The following BRAT1 variants were observed in gnomAD, a reference collection of about 807,000 sequenced individuals.
BRAT1 encodes integrator complex assembly factor BRAT1.
Under a neutral mutation model 70.6 loss-of-function variants are expected in BRAT1, and 74 were observed. The observed-to-expected ratio is 1.05, with a 90% CI of 0.87 to 1.27. The LOEUF is 1.27. Among genes scored for constraint, BRAT1 ranks in the 50% most tolerant of loss-of-function variants. BRAT1 has a pLI of 0.00. For synonymous variants in BRAT1, 615 were observed against 517.1 expected (o/e 1.19, Z -2.57); for missense variants, 1,203 against 1,098.2 (o/e 1.10, Z -1.35).
In BRAT1 at chr7:2,538,337, T is replaced by C. The variant is rs1562564408; in HGVS notation, c.2198A>G (p.Tyr733Cys). 1 of 1,613,122 alleles carries C rather than the reference T, an allele frequency of 6.2e-7. No individual in the cohort carries two copies. The highest frequency in any genetic ancestry group is 2.2e-5 in the East Asian group (1 of 44,870). Residue 733 changes from tyrosine to cysteine, a missense_variant, in exon 14 of 14, where the codon TAC (tyrosine) becomes TGC (cysteine). Physicochemically the swap from Tyr to Cys is radical, Grantham distance 194. Coordinates refer to ENST00000340611, the MANE Select transcript of BRAT1 (RefSeq NM_152743.4). The stretch of plus-strand genomic sequence containing the variant: ...GCCCCTGGCCTCCCGCAGGCTGCTG[T>C]AGGAAGCAATCTTGTCCCTCAGGAA... The part of the protein sequence containing the change: ...LLFLRDKIAS[Y>C]SSLREARGSP...
In BRAT1 at chr7:2,547,315, C is replaced by T. The variant is rs192133446; in HGVS notation, c.282+9G>A. ...CACGGGACACTCAGGTGGGAGGCCC[C>T]AGGCTCACCTGAAGATACTGGAAGC... On this transcript the variant is annotated intron_variant, in intron 3 of 13. Transcript: ENST00000340611. The T allele has an allele frequency of 1.6e-4, 265 of 1,613,902 alleles. 1 individual carries two copies. The African/African-American group carries it at 3.2e-3, about 20-fold the overall frequency.
At chr7:2,539,746 C>T (rs761869109) in intron 11 of BRAT1, 40 bp downstream of exon 11, 23 of 1,573,106 alleles carry the variant, frequency 1.5e-5, no homozygotes, top group Middle Eastern at 1.7e-4. Flanking sequence ...TCCACCCCTG[C>T]GACTCCAGCT....
At chr7:2,549,291 G>A (rs1468132254) in intron 2 of BRAT1, among the ~76,000 whole-genome samples, 2 of 151,942 alleles carry the variant, frequency 1.3e-5, no homozygotes, top group African/African-American at 4.8e-5. Context: ...TTTAAGACCA[G>A]CTTGGGCAAC....
Position 2,539,766 on chromosome 7 carries a change from C to T in BRAT1, c.1498+20G>A, listed in dbSNP as rs1164385046. 6.2e-7 allele frequency: 1 copy of T among 1,601,678 alleles called. No homozygotes were observed. On this transcript the variant is annotated intron_variant, in intron 11 of 13. Coordinates refer to ENST00000340611, the MANE Select transcript of BRAT1 (RefSeq NM_152743.4). The stretch of plus-strand genomic sequence containing the variant: ...CCCTGCGACTCCAGCTCCGTTCACC[C>T]CTGCAAGGGGCTGCGTTACCTCTGA...
intron 10 of BRAT1, 58 bp downstream of exon 10, chr7:2,540,921 G>C: frequency 6.9e-7 from 1 of 1,443,680 alleles, no homozygotes; most frequent in East Asian, 2.7e-5. Flanking sequence ...GGAGTCAGGG[G>C]TGGGTCCCAC....
At chr7:2,542,311 GTT>G in intron 6 of BRAT1, 100 bp from the exon 7 acceptor site, 1 of 980,788 alleles carries the variant, frequency 1.0e-6, no homozygotes, top group Non-Finnish European at 1.6e-6. Flanking sequence ...CAGCCAGGGG[GTT>G]GGGACACCCC....
chr7:2,542,578 G>C, intron 6 of BRAT1: 1 of 273,912 alleles, frequency 3.7e-6, no homozygotes, highest in Non-Finnish European at 7.1e-6. Context: ...TCTGGGCCTA[G>C]GTGGAGGCAG....
intron 13 of BRAT1, chr7:2,538,969 T>A: frequency 6.9e-7 from 1 of 1,443,732 alleles, no homozygotes; most frequent in Non-Finnish European, 9.1e-7. Context: ...TAACCATGTC[T>A]AAGTGGAGGG....
At chr7:2,538,978 G>C in intron 13 of BRAT1, 1 of 1,439,508 alleles carries the variant, frequency 6.9e-7, no homozygotes, top group Non-Finnish European at 9.1e-7. Flanking sequence ...CTAAGTGGAG[G>C]GGTGCTGGGG....
rs533344105 is a variant in BRAT1, at chr7:2,543,766, C to G, written c.627G>C (p.Ala209=). 41 of 1,607,446 alleles carry G rather than the reference C, an allele frequency of 2.6e-5. 1 individual carries two copies. In the Admixed American group the frequency reaches 5.2e-4, roughly 20 times the overall value. Reference sequence around the variant, plus strand: ...GGGCCTGAGTGACCTTGGGGGTGGCCGCGGAGCACAAGGACTCTTCAACGT... The same window carrying G: ...GGGCCTGAGTGACCTTGGGGGTGGCGGCGGAGCACAAGGACTCTTCAACGT... ...MDHVEESLCS[A]ATPKVTQALN... is the part of the protein sequence containing the mutation. Residue 209 remains alanine, a synonymous_variant, in exon 5 of 14, where the codon GCG becomes GCC. Coordinates refer to ENST00000340611, the MANE Select transcript of BRAT1 (RefSeq NM_152743.4). The surrounding 1 kb of genome is among the most constrained non-coding windows in gnomAD (Gnocchi z 5.5).
intron 2 of BRAT1, 151 bp from the exon 3 acceptor site, chr7:2,547,629 AC>A (rs1355365989): frequency 3.9e-6 from 3 of 767,372 alleles, no homozygotes; most frequent in Non-Finnish European, 6.1e-6. Flanking sequence ...TGCAACAAAT[AC>A]GGCAAATGAC....
Position 2,541,882 on chromosome 7 carries a change from TCCCCACGGTCACCAGCCA to T in BRAT1, c.1016-64_1016-47del, listed in dbSNP as rs375575635. 51 of 1,588,538 alleles carry T rather than the reference TCCCCACGGTCACCAGCCA, an allele frequency of 3.2e-5. 1 individual carries two copies. The highest frequency in any genetic ancestry group is 1.6e-4 in the South Asian group (14 of 89,600). Reference sequence around the variant, plus strand: ...AGCTCCCTTAGAGAGCACTTCAGCCTCCCCACGGTCACCAGCCACCCCACGGTCACCACCCACAGCACA... The same window carrying T: ...AGCTCCCTTAGAGAGCACTTCAGCCTCCCCACGGTCACCACCCACAGCACA... On this transcript the variant is annotated intron_variant, in intron 7 of 13. Transcript: ENST00000340611.
chr7:2,547,241 G>T, intron 3 of BRAT1, 83 bp downstream of exon 3: 1 of 1,537,990 alleles, frequency 6.5e-7, no homozygotes. Flanking sequence ...GATGGTGATG[G>T]CTACAAATGC....
At chr7:2,541,221 C>T (rs1779130057) in intron 9 of BRAT1, 77 bp downstream of exon 9, 14 of 1,485,740 alleles carry the variant, frequency 9.4e-6, no homozygotes, top group East Asian at 2.3e-5. Flanking sequence ...GACAGCAGTT[C>T]CCGGGTGCCT....
rs1050105177 is a variant in BRAT1 at position 2,538,845 on chromosome 7, G to A, written c.1771-81C>T. 21 of 1,560,638 alleles carry A rather than the reference G, an allele frequency of 1.3e-5. No homozygotes were observed. In the African/African-American group the frequency reaches 2.0e-4, roughly 15 times the overall value. ...CGCAACAGGACTCCGGTACATGATG[G>A]GGGCTGGCCCCGGACATGCAGTCTA... On this transcript the variant is annotated intron_variant, in intron 13 of 13. Transcript: ENST00000340611.
Position 2,543,417 on chromosome 7 carries a change from C to T in BRAT1, c.804-94G>A, listed in dbSNP as rs1779337327. ...ACTGCCATGGCTCCGGCACTGGAGGCGCCCAGCCCAAGACAGGCCTTTCCC... is the reference window on the plus strand; with the variant it reads ...ACTGCCATGGCTCCGGCACTGGAGGTGCCCAGCCCAAGACAGGCCTTTCCC... On this transcript the variant is annotated intron_variant, in intron 5 of 13. Transcript: ENST00000340611. The surrounding 1 kb of genome is among the most constrained non-coding windows in gnomAD (Gnocchi z 5.5). The T allele has an allele frequency of 5.4e-6, 8 of 1,494,680 alleles. No homozygotes were observed. Among genetic ancestry groups the T allele is most frequent in the South Asian group, 4.1e-5 (3 of 73,938 alleles). 92.6% of individuals were successfully genotyped at this position (1,494,680 alleles called of 1,614,324 possible).
At position 2,537,937 on chromosome 7, in the gene BRAT1, T is replaced by A. The variant is rs1258254794; in HGVS notation, c.*132A>T. 1 of 1,350,868 alleles carries A rather than the reference T, an allele frequency of 7.4e-7. No individual in the cohort carries two copies. Among genetic ancestry groups the A allele is most frequent in the East Asian group, 2.7e-5 (1 of 37,236 alleles). 83.7% of individuals were successfully genotyped at this position (1,350,868 alleles called of 1,614,324 possible). ...AAACTGTGGGATTTCTTGACCTTGC[T>A]TCTCTCCTGGTCCTGGCTTCCCCAG... On this transcript the variant is annotated 3_prime_UTR_variant, in exon 14 of 14. Transcript: ENST00000340611.
rs1045444980 is a variant in BRAT1 at position 2,543,955 on chromosome 7, G to A, written c.438C>T (p.Val146=). ...CTCCCTGCAGGGAGAAGATGGTGTC[G>A]ACCGCACCTGGGTAGGGGATGGGGG... The part of the protein sequence containing the change: ...ALRFLADHGA[V]DTIFSLQGDS... The change falls in exon 5 of 14, where the codon GTC becomes GTT. Residue 146 remains valine (V), a synonymous_variant. Coordinates refer to ENST00000340611, the MANE Select transcript of BRAT1 (RefSeq NM_152743.4). This position sits in a 1 kb window ranked among gnomAD's most constrained non-coding sequence, Gnocchi z 5.5. 1.3e-5 allele frequency: 20 copies of A among 1,573,572 alleles called. 1 individual carries two copies. The highest frequency in any genetic ancestry group is 3.4e-5 in the South Asian group (3 of 87,646).
chr7:2,547,762 C>G (rs1167779266), intron 2 of BRAT1, among the ~76,000 whole-genome samples: 1 of 152,144 alleles, frequency 6.6e-6, no homozygotes, highest in African/African-American at 2.4e-5. Flanking sequence ...TTCTGTCTCA[C>G]TGATAGTGAA....
Sources: allele counts gnomAD v4.1 joint callset (sites outside exome capture counted in the v4.1 genomes callset), GRCh38; gene constraint gnomAD v4.1.1; non-coding constraint Gnocchi (gnomAD v3.1); transcripts MANE v1.5; gene names NCBI Gene and HGNC (gene_info 2026-07-23, HGNC 2026-07-21).